The following CDKL5 variants were observed in gnomAD, a reference collection of about 807,000 sequenced individuals.
CDKL5 encodes the protein cyclin dependent kinase like 5.
A neutral mutation model predicts 61.7 loss-of-function variants in CDKL5; 8 were observed. That is an observed-to-expected ratio of 0.13 (90% CI 0.08 to 0.23). CDKL5 has a LOEUF of 0.23. Ranked by LOEUF, CDKL5 falls within the 10% of genes least tolerant of loss-of-function variation. CDKL5 has a pLI of 1.00. For synonymous variants in CDKL5, 275 were observed against 272.3 expected (o/e 1.01, Z -0.10); for missense variants, 440 against 734.5 (o/e 0.60, Z 4.63).
chrX:18,630,424 G>T lies in CDKL5; in HGVS notation c.*1667G>T. 1.3e-6 allele frequency: 1 copy of T among 752,718 alleles called. No individual in the cohort carries two copies. The highest frequency in any genetic ancestry group is 6.8e-5 in the South Asian group (1 of 14,718). The allele number at this position is 752,718 out of a possible 1,213,427, so 62.0% of individuals were successfully genotyped here. Reference sequence around the variant, plus strand: ...AAAGGTCCCTCCCACCCCTCAAAGAGATAACTTCTCAGTATTTATTACTTG... The same window carrying T: ...AAAGGTCCCTCCCACCCCTCAAAGATATAACTTCTCAGTATTTATTACTTG... On this transcript the variant is annotated 3_prime_UTR_variant, in exon 18 of 18. Coordinates refer to ENST00000623535, the MANE Select transcript of CDKL5 (RefSeq NM_001323289.2).
At chrX:18,566,806 C>T (rs769260725) in intron 4 of CDKL5, among the ~76,000 whole-genome samples, 4 of 111,587 alleles carry the variant, frequency 3.6e-5, no homozygotes, top group African/African-American at 9.8e-5. Flanking sequence ...ATAGTCTAGA[C>T]GTGGAAGACA....
chrX:18,604,651 A>C lies in CDKL5; in HGVS notation c.1727A>C (p.His576Pro), dbSNP rs1297145322. 8.2e-7 allele frequency: 1 copy of C among 1,212,225 alleles called. No homozygotes were observed. The highest frequency in any genetic ancestry group is 1.1e-6 in the Non-Finnish European group (1 of 895,463). ...ATGGAGGAATTGAAGCTGCCGGAGC[A>C]CATGGACAGTAGCCATTCCCATTCA... Reference protein sequence around the residue: ...KTMEELKLPEHMDSSHSHSLS... With the variant: ...KTMEELKLPEPMDSSHSHSLS... The change falls in exon 12 of 18, where the codon CAC (histidine) becomes CCC (proline). Residue 576 changes from histidine to proline, a missense_variant. His to Pro is a moderately conservative substitution (Grantham distance 77, BLOSUM62 -2). This residue lies in a region of CDKL5 where 363 missense variants were observed against 516.3 expected (regional missense o/e 0.70). Coordinates refer to ENST00000623535, the MANE Select transcript of CDKL5 (RefSeq NM_001323289.2).
chrX:18,565,620 G>T (rs1161278980), intron 4 of CDKL5, among the ~76,000 whole-genome samples: 1 of 112,013 alleles, frequency 8.9e-6, no homozygotes, highest in Non-Finnish European at 1.9e-5. Flanking sequence ...TTTATGAACA[G>T]TTTCATCACC....
intron 3 of CDKL5, among the ~76,000 whole-genome samples, chrX:18,563,718 C>T (rs1212512166): frequency 1.8e-5 from 2 of 111,539 alleles, no homozygotes; most frequent in Non-Finnish European, 1.9e-5. Flanking sequence ...GACATGTTGG[C>T]TTTGAAGAAT....
In CDKL5 at chrX:18,631,847, TCA is replaced by T. The variant is rs1176851664; in HGVS notation, c.*3091_*3092del. The T allele has an allele frequency of 4.4e-5, 33 of 752,598 alleles. No individual in the cohort carries two copies. The highest frequency in any genetic ancestry group is 4.7e-5 in the Non-Finnish European group (30 of 639,099). The allele number at this position is 752,598 out of a possible 1,213,427, so 62.0% of individuals were successfully genotyped here. A position where few individuals can be genotyped will look rare whatever the true frequency, so the allele number is the denominator to read the frequency against. On this transcript the variant is annotated 3_prime_UTR_variant, in exon 18 of 18. Transcript: ENST00000623535. ...GAGCCCAAGACCAAAAGGGAGTGCT[TCA>T]TGCTGAGGGGCTCAAGTGAGCTGAC...
intron 9 of CDKL5, among the ~76,000 whole-genome samples, chrX:18,591,437 A>G (rs866144392): frequency 3.3e-4 from 37 of 110,461 alleles, no homozygotes; most frequent in African/African-American, 1.0e-3. Context: ...TCCATCTCTC[A>G]TGCTTCTTTT....
chrX:18,624,303 T>C (rs1016298515), intron 16 of CDKL5, among the ~76,000 whole-genome samples: 1 of 112,602 alleles, frequency 8.9e-6, no homozygotes, highest in Non-Finnish European at 1.9e-5. Context: ...GGAATTCTGT[T>C]AACATTTACA....
chrX:18,495,176 G>T (rs1039879353), intron 1 of CDKL5, among the ~76,000 whole-genome samples: 1 of 111,901 alleles, frequency 8.9e-6, no homozygotes, highest in African/African-American at 3.3e-5. Context: ...TCTCTCATTT[G>T]GATGTGTAAA....
chrX:18,491,529 C>T (rs1273439392), intron 1 of CDKL5, among the ~76,000 whole-genome samples: 2 of 111,395 alleles, frequency 1.8e-5, no homozygotes, highest in Admixed American at 1.9e-4. Context: ...AAAATATTAA[C>T]AAAGTTTAGC....
intron 1 of CDKL5, among the ~76,000 whole-genome samples, chrX:18,436,955 A>G (rs1931625637): frequency 9.2e-6 from 1 of 108,764 alleles, no homozygotes; most frequent in South Asian, 3.9e-4. Flanking sequence ...ACCAGAAAAT[A>G]GAGAAACAGG....
rs758519590 is a variant in CDKL5, at chrX:18,469,065, G to T, written c.-162-37870G>T. ...AAAAAATCATTGAATAGGGCTGGGCGTGGTGGCTAACGCCTATAATTGCAG... is the reference window on the plus strand; with the variant it reads ...AAAAAATCATTGAATAGGGCTGGGCTTGGTGGCTAACGCCTATAATTGCAG... On this transcript the variant is annotated intron_variant, in intron 1 of 17. Coordinates refer to ENST00000623535, the MANE Select transcript of CDKL5 (RefSeq NM_001323289.2). 3.6e-5 allele frequency among the ~76,000 whole-genome samples: 4 copies of T among 110,981 alleles called. No homozygotes were observed. The East Asian group carries it at 1.1e-3, about 31-fold the overall frequency.
intron 1 of CDKL5, among the ~76,000 whole-genome samples, chrX:18,460,849 T>G (rs1932269894): frequency 8.9e-6 from 1 of 112,029 alleles, no homozygotes; most frequent in Non-Finnish European, 1.9e-5. Context: ...AGGCCCATCA[T>G]GTCAGAATGC....
intron 1 of CDKL5, among the ~76,000 whole-genome samples, chrX:18,476,577 A>G (rs1365981314): frequency 9.0e-6 from 1 of 111,728 alleles, no homozygotes; most frequent in Non-Finnish European, 1.9e-5. Flanking sequence ...GGTTATTGAT[A>G]GTGATTATTA....
intron 11 of CDKL5, among the ~76,000 whole-genome samples, chrX:18,601,186 G>A (rs1039416457): frequency 1.8e-5 from 2 of 111,363 alleles, no homozygotes; most frequent in African/African-American, 6.5e-5. Context: ...AGAGGCAGTG[G>A]ACTCTTGTGT....
chrX:18,458,550 C>T (rs987146289), intron 1 of CDKL5, among the ~76,000 whole-genome samples: 1 of 111,122 alleles, frequency 9.0e-6, no homozygotes, highest in African/African-American at 3.3e-5. Flanking sequence ...TCCCCCCCCA[C>T]CCCAAAATCA....
intron 9 of CDKL5, chrX:18,588,523 C>T (rs1925717127): frequency 7.0e-6 from 1 of 142,315 alleles, no homozygotes; most frequent in South Asian, 1.7e-4. Context: ...GAGGAAAGCC[C>T]TGAAAACTTG....
At chrX:18,446,021 T>C (rs1931867472) in intron 1 of CDKL5, among the ~76,000 whole-genome samples, 1 of 109,163 alleles carries the variant, frequency 9.2e-6, no homozygotes, top group East Asian at 2.9e-4. Flanking sequence ...TCCTTTCTAT[T>C]CTATTTTCTT....
chrX:18,510,018 G>GA (rs1164820299), intron 2 of CDKL5, among the ~76,000 whole-genome samples: 2,506 of 62,618 alleles, frequency 0.04, 58 homozygotes, highest in African/African-American at 0.1. Flanking sequence ...AAACAAAACA[G>GA]AAAAAAAAAA....
At chrX:18,548,960 G>A (rs2047991031) in intron 3 of CDKL5, among the ~76,000 whole-genome samples, 1 of 111,896 alleles carries the variant, frequency 8.9e-6, no homozygotes, top group Admixed American at 9.5e-5. Flanking sequence ...ATAAGAAAAT[G>A]TAAAATTAGG....
Sources: allele counts gnomAD v4.1 joint callset (sites outside exome capture counted in the v4.1 genomes callset), GRCh38; gene constraint gnomAD v4.1.1; regional missense constraint gnomAD v4.1.1; transcripts MANE v1.5; gene names NCBI Gene and HGNC (gene_info 2026-07-23, HGNC 2026-07-21).